Variants in NUCKS1 observed in about 807,000 individuals in gnomAD.
The protein encoded by NUCKS1 is nuclear casein kinase and cyclin dependent kinase substrate 1, also known as nuclear ubiquitous casein and cyclin-dependent kinase substrate 1.
In NUCKS1, 2 loss-of-function variants were observed where a neutral mutation model predicts 33.0. That is an observed-to-expected ratio of 0.06 (90% CI 0.02 to 0.19). NUCKS1 has a LOEUF of 0.19. NUCKS1 is among the 10% of genes least tolerant of loss of function. The pLI, the probability that NUCKS1 is intolerant of heterozygous loss-of-function variation, is 1.00. For synonymous variants in NUCKS1, 106 were observed against 102.8 expected (o/e 1.03, Z -0.19); for missense variants, 201 against 293.6 (o/e 0.68, Z 2.31).
rs1478016365 is a variant in NUCKS1 at position 205,717,592 on chromosome 1, A to C, written c.*688T>G. On this transcript the variant is annotated 3_prime_UTR_variant, in exon 7 of 7. Coordinates refer to ENST00000367142, the MANE Select transcript of NUCKS1 (RefSeq NM_022731.5). The stretch of plus-strand genomic sequence containing the variant: ...GATAACAAGTGATGAAATAAAAAAG[A>C]AAGCCCATACCCTCAAATAAGGTCA... 1 of 985,318 alleles carries C rather than the reference A, an allele frequency of 1.0e-6. No individual in the cohort carries two copies. Among genetic ancestry groups the C allele is most frequent in the African/African-American group, 1.7e-5 (1 of 57,192 alleles). 61.0% of individuals were successfully genotyped at this position (985,318 alleles called of 1,614,324 possible). A position where few individuals can be genotyped will look rare whatever the true frequency, so the allele number is the denominator to read the frequency against.
chr1:205,747,566 C>A (rs1007522604), intron 1 of NUCKS1, among the ~76,000 whole-genome samples: 1 of 152,002 alleles, frequency 6.6e-6, no homozygotes, highest in Non-Finnish European at 1.5e-5. Context: ...TGTTTAGGTT[C>A]ATATTAAAAT....
In NUCKS1 at chr1:205,738,275, G is replaced by A. The variant is rs1241650513; in HGVS notation, c.18-8654C>T. On this transcript the variant is annotated intron_variant, in intron 1 of 6. Coordinates refer to ENST00000367142, the MANE Select transcript of NUCKS1 (RefSeq NM_022731.5). The stretch of plus-strand genomic sequence containing the variant: ...ACCGCTGACCTCAAGTGATCTGCCC[G>A]CCTTGGCCTCCCAACGTGCTAGGAT... Among the ~76,000 whole-genome samples the A allele has an allele frequency of 6.6e-5, 10 of 152,028 alleles. No individual in the cohort carries two copies. In the East Asian group the frequency reaches 9.7e-4, roughly 15 times the overall value.
chr1:205,748,144 A>AAT (rs1459877205), intron 1 of NUCKS1, among the ~76,000 whole-genome samples: 1 of 151,708 alleles, frequency 6.6e-6, no homozygotes, highest in African/African-American at 2.4e-5. Flanking sequence ...GAATGTGCTT[A>AAT]ATATATATAT....
intron 2 of NUCKS1, among the ~76,000 whole-genome samples, chr1:205,728,638 T>C (rs1653834083): frequency 4.6e-5 from 7 of 152,186 alleles, no homozygotes; most frequent in Admixed American, 4.6e-4. Context: ...CAGTATTTTC[T>C]AAGTCTTCCC....
chr1:205,745,268 A>G (rs971102350), intron 1 of NUCKS1, among the ~76,000 whole-genome samples: 2 of 152,156 alleles, frequency 1.3e-5, no homozygotes, highest in African/African-American at 4.8e-5. Flanking sequence ...TTTCTAGCTT[A>G]TTTTTTTAAT....
intron 1 of NUCKS1, among the ~76,000 whole-genome samples, chr1:205,747,460 G>A (rs1271713186): frequency 6.6e-6 from 1 of 152,172 alleles, no homozygotes; most frequent in East Asian, 1.9e-4. Flanking sequence ...ACAGGTCTTT[G>A]CAAAACCATG....
intron 1 of NUCKS1, among the ~76,000 whole-genome samples, chr1:205,746,935 T>C (rs1012434474): frequency 3.9e-5 from 6 of 152,186 alleles, no homozygotes; most frequent in African/African-American, 1.4e-4. Context: ...GGGAGGAGGA[T>C]CTCTGGAGAG....
Position 205,716,076 on chromosome 1 carries a change from A to G in NUCKS1, c.*2204T>C, listed in dbSNP as rs1374448263. ...TAGAATACATTTTTCAATCTAATGA[A>G]TTAATTTTAAAAGGGACCCTAAACA... On this transcript the variant is annotated 3_prime_UTR_variant, in exon 7 of 7. Transcript: ENST00000367142. 1 of 152,252 alleles carries G rather than the reference A, an allele frequency of 6.6e-6. No homozygotes were observed. The highest frequency in any genetic ancestry group is 2.4e-5 in the African/African-American group (1 of 41,470). The allele number at this position is 152,252 out of a possible 1,614,324, so 9.4% of individuals were successfully genotyped here. A position where few individuals can be genotyped will look rare whatever the true frequency, so the allele number is the denominator to read the frequency against.
At position 205,746,443 on chromosome 1, in the gene NUCKS1, TCTCTCTCTCTCACACA is replaced by T. The variant is rs1553253303; in HGVS notation, c.17+3498_17+3513del. Among the ~76,000 whole-genome samples the T allele has an allele frequency of 4.4e-3, 309 of 70,194 alleles. 1 individual carries two copies. The highest frequency in any genetic ancestry group is 0.028 in the Middle Eastern group (4 of 142). 46.0% of individuals were successfully genotyped at this position (70,194 alleles called of 152,430 possible). ...CAAGGTTAATAAACTCACTTCTCTC[TCTCTCTCTCTCACACA>T]CACACACACACACACACACACACAC... On this transcript the variant is annotated intron_variant, in intron 1 of 6. Transcript: ENST00000367142.
rs935875316 is a variant in NUCKS1 at position 205,749,844 on chromosome 1, G to A, written c.17+113C>T. The A allele has an allele frequency of 3.3e-5, 40 of 1,201,938 alleles. No homozygotes were observed. The Admixed American group carries it at 4.2e-4, about 13-fold the overall frequency. 74.5% of individuals were successfully genotyped at this position (1,201,938 alleles called of 1,614,324 possible). A position where few individuals can be genotyped will look rare whatever the true frequency, so the allele number is the denominator to read the frequency against. On this transcript the variant is annotated intron_variant, in intron 1 of 6. Coordinates refer to ENST00000367142, the MANE Select transcript of NUCKS1 (RefSeq NM_022731.5). Reference sequence around the variant, plus strand: ...GGTGCGCGCGGGCCCCGAAAGGGAGGAGGCCGCGCGCGGCACCGGGGATGG... The same window carrying A: ...GGTGCGCGCGGGCCCCGAAAGGGAGAAGGCCGCGCGCGGCACCGGGGATGG...
intron 2 of NUCKS1, among the ~76,000 whole-genome samples, chr1:205,729,215 C>T (rs534614284): frequency 1.3e-5 from 2 of 152,088 alleles, no homozygotes. Flanking sequence ...GTGGTCCGCC[C>T]ACCTTGGCCT....
chr1:205,741,748 T>A (rs142996153), intron 1 of NUCKS1, among the ~76,000 whole-genome samples: 12 of 152,244 alleles, frequency 7.9e-5, no homozygotes, highest in African/African-American at 2.9e-4. Context: ...GTTAAAGGGA[T>A]CAATATCAGG....
intron 3 of NUCKS1, among the ~76,000 whole-genome samples, chr1:205,725,310 A>G (rs1374358961): frequency 6.6e-6 from 1 of 152,236 alleles, no homozygotes; most frequent in African/African-American, 2.4e-5. Flanking sequence ...GCACATAAAA[A>G]CTGCCTTCAA....
Position 205,714,557 on chromosome 1 carries a change from T to C in NUCKS1, c.*3723A>G, listed in dbSNP as rs995559760. The C allele has an allele frequency of 6.6e-6, 1 of 152,192 alleles. No homozygotes were observed. The highest frequency in any genetic ancestry group is 2.4e-5 in the African/African-American group (1 of 41,446). 9.4% of individuals were successfully genotyped at this position (152,192 alleles called of 1,614,324 possible). A position where few individuals can be genotyped will look rare whatever the true frequency, so the allele number is the denominator to read the frequency against. ...CAAAAAGAATCATTTTGTATCGAAT[T>C]TACCCCAGACAAAGGGAAAACTGGT... On this transcript the variant is annotated 3_prime_UTR_variant, in exon 7 of 7. Coordinates refer to ENST00000367142, the MANE Select transcript of NUCKS1 (RefSeq NM_022731.5).
intron 6 of NUCKS1, among the ~76,000 whole-genome samples, chr1:205,719,099 G>C (rs1269100350): frequency 2.0e-5 from 3 of 152,226 alleles, no homozygotes; most frequent in Non-Finnish European, 4.4e-5. Flanking sequence ...TATTCTGATA[G>C]CACAGAGGAT....
At chr1:205,724,581 C>T (rs577845216) in intron 3 of NUCKS1, among the ~76,000 whole-genome samples, 1 of 152,146 alleles carries the variant, frequency 6.6e-6, no homozygotes, top group African/African-American at 2.4e-5. Flanking sequence ...GTAATCTCAG[C>T]TACTCGGGAG....
chr1:205,732,626 C>T (rs1190484090), intron 1 of NUCKS1, among the ~76,000 whole-genome samples: 1 of 151,630 alleles, frequency 6.6e-6, no homozygotes, highest in Non-Finnish European at 1.5e-5. Flanking sequence ...AGTAAAAGTA[C>T]AAAAATTAGC....
At chr1:205,739,930 T>C (rs1654122962) in intron 1 of NUCKS1, among the ~76,000 whole-genome samples, 1 of 151,444 alleles carries the variant, frequency 6.6e-6, no homozygotes, top group South Asian at 2.1e-4. Flanking sequence ...ATCTTGACCT[T>C]CAAGTTCCTT....
At chr1:205,748,699 C>CA (rs770945643) in intron 1 of NUCKS1, among the ~76,000 whole-genome samples, 17 of 152,178 alleles carry the variant, frequency 1.1e-4, no homozygotes, top group Non-Finnish European at 2.1e-4. Context: ...CGGTGTAGAA[C>CA]AAAACCCTTG....
Sources: gnomAD v4.1 joint callset for allele counts (sites outside exome capture counted in the v4.1 genomes callset) on GRCh38, gnomAD v4.1.1 for gene constraint, MANE v1.5 for transcripts, NCBI Gene and HGNC (gene_info 2026-07-23, HGNC 2026-07-21) for gene names.